Variants in AGAP1 observed in about 807,000 individuals in gnomAD.
The protein encoded by AGAP1 is ArfGAP with GTPase domain, ankyrin repeat and PH domain 1.
In AGAP1, 29 loss-of-function variants were observed where a neutral mutation model predicts 105.3. That is an observed-to-expected ratio of 0.28 (90% CI 0.21 to 0.38). The LOEUF (loss-of-function observed/expected upper bound fraction) is 0.38. Among genes scored for constraint, AGAP1 ranks in the 10% least tolerant of loss-of-function variants. The probability of loss-of-function intolerance (pLI) is 1.00; values close to 1 mark genes in which losing one functional copy is unlikely to be tolerated. For missense variants in AGAP1, 998 were observed against 1,165.1 expected (o/e 0.86, Z 2.09); for synonymous variants, 509 against 485.9 (o/e 1.05, Z -0.63).
intron 1 of AGAP1, among the ~76,000 whole-genome samples, chr2:235,516,055 TCTGCTGCTGCTGCTGCTGCTG>T (rs112761133): frequency 0.037 from 5,197 of 138,674 alleles, 121 homozygotes; most frequent in Middle Eastern, 0.17. Context: ...CATGGGCTCC[TCTGCTGCTGCTGCTGCTGCTG>T]CTGCTGCTGC....
At position 236,086,091 on chromosome 2, in the gene AGAP1, C is replaced by G. The variant is rs558130145; in HGVS notation, c.2115-34101C>G. ...TCCTTTTCCTACTGCCCTTTTCCCC[C>G]CTCCTCCTGCTTAGAGATACCAGCT... is the stretch of plus-strand genomic sequence containing the variant. On this transcript the variant is annotated intron_variant, in intron 16 of 17. Coordinates refer to ENST00000304032, the MANE Select transcript of AGAP1 (RefSeq NM_001037131.3). Among the ~76,000 whole-genome samples, 12 of 152,338 alleles carry G rather than the reference C, an allele frequency of 7.9e-5. 1 individual carries two copies. The highest frequency in any genetic ancestry group is 3.4e-3 in the Middle Eastern group (1 of 294).
At chr2:235,985,388 A>AT (rs1319617958) in intron 13 of AGAP1, among the ~76,000 whole-genome samples, 1 of 152,090 alleles carries the variant, frequency 6.6e-6, no homozygotes, top group Non-Finnish European at 1.5e-5. Flanking sequence ...TTTTTCTCCC[A>AT]TTCTGTAGGT....
rs1052301629 is a variant in AGAP1 at position 236,061,921 on chromosome 2, G to A, written c.2114+12640G>A. ...GGAATTTCCAAAGGAAAACAGATGA[G>A]CCAGGGCGTTCCACAAAGAGCAGCT... On this transcript the variant is annotated intron_variant, in intron 16 of 17. Coordinates refer to ENST00000304032, the MANE Select transcript of AGAP1 (RefSeq NM_001037131.3). This position sits in a 1 kb window ranked among gnomAD's most constrained non-coding sequence, Gnocchi z 4.1. Among the ~76,000 whole-genome samples, 1 of 151,922 alleles carries A rather than the reference G, an allele frequency of 6.6e-6. No individual in the cohort carries two copies. The highest frequency in any genetic ancestry group is 2.4e-5 in the African/African-American group (1 of 41,346).
Position 235,927,283 on chromosome 2 carries a change from G to A in AGAP1, c.1325-3482G>A, listed in dbSNP as rs571651968. On this transcript the variant is annotated intron_variant, in intron 11 of 17. Coordinates refer to ENST00000304032, the MANE Select transcript of AGAP1 (RefSeq NM_001037131.3). The surrounding 1 kb of genome is among the most constrained non-coding windows in gnomAD (Gnocchi z 4.4). Reference sequence around the variant, plus strand: ...AGCATGTGGTCTTGCCAGGAGGTTCGTCACCCCAGAGGTTCCAGGTTGGTT... The same window carrying A: ...AGCATGTGGTCTTGCCAGGAGGTTCATCACCCCAGAGGTTCCAGGTTGGTT... 6.6e-5 allele frequency among the ~76,000 whole-genome samples: 10 copies of A among 152,242 alleles called. No individual in the cohort carries two copies. The highest frequency in any genetic ancestry group is 1.3e-4 in the Admixed American group (2 of 15,296).
Position 235,494,634 on chromosome 2 carries a change from G to C in AGAP1, c.-53G>C. Reference sequence around the variant, plus strand: ...GGCTCGGCGGCCCGCGGGCCCCGGGGCGCGGGGCGGCGGCGGCGGGGGGCG... The same window carrying C: ...GGCTCGGCGGCCCGCGGGCCCCGGGCCGCGGGGCGGCGGCGGCGGGGGGCG... On this transcript the variant is annotated 5_prime_UTR_variant, in exon 1 of 18. Coordinates refer to ENST00000304032, the MANE Select transcript of AGAP1 (RefSeq NM_001037131.3). The C allele has an allele frequency of 1.2e-5, 12 of 962,538 alleles. No individual in the cohort carries two copies. Among genetic ancestry groups the C allele is most frequent in the Non-Finnish European group, 1.5e-5 (12 of 812,832 alleles). The allele number at this position is 962,538 out of a possible 1,614,324, so 59.6% of individuals were successfully genotyped here. A position where few individuals can be genotyped will look rare whatever the true frequency, so the allele number is the denominator to read the frequency against.
At chr2:235,825,062 T>C (rs1420563232) in intron 9 of AGAP1, among the ~76,000 whole-genome samples, 1 of 152,198 alleles carries the variant, frequency 6.6e-6, no homozygotes, top group Non-Finnish European at 1.5e-5. Context: ...AAAGTGCAAA[T>C]TGCTACTGAA....
At chr2:235,511,051 G>T (rs1225632791) in intron 1 of AGAP1, among the ~76,000 whole-genome samples, 6 of 152,156 alleles carry the variant, frequency 3.9e-5, no homozygotes, top group Admixed American at 3.3e-4. Context: ...AGGACATTTG[G>T]CCATGTCTGG....
chr2:235,699,327 T>C (rs1950147517), intron 1 of AGAP1, among the ~76,000 whole-genome samples: 1 of 152,134 alleles, frequency 6.6e-6, no homozygotes, highest in African/African-American at 2.4e-5. Flanking sequence ...GAGCCTGATG[T>C]ATTTGTAAGA....
Position 235,736,244 on chromosome 2 carries a change from T to G in AGAP1, c.311-4719T>G, listed in dbSNP as rs3754663. On this transcript the variant is annotated intron_variant, in intron 3 of 17. Transcript: ENST00000304032. This position sits in a 1 kb window ranked among gnomAD's most constrained non-coding sequence, Gnocchi z 5.5. ...GGTTCCAGGGTGGGCGCTGGTCCCT[T>G]CCCACGGAGCTCGCCTAGCACCTGT... Among the ~76,000 whole-genome samples the G allele has an allele frequency of 2.3e-3, 355 of 152,040 alleles. 4 individuals carry two copies. Among genetic ancestry groups the G allele is most frequent in the East Asian group, 0.02 (105 of 5,130 alleles).
Position 235,728,301 on chromosome 2 carries a change from C to CTGTGTGTGTG in AGAP1, c.310+10674_310+10683dup, listed in dbSNP as rs143714801. ...ATCTGAAAAGGACTGGGCCCAGACT[C>CTGTGTGTGTG]TGTGTGTGTGTGTGTGTGTGTGTGT... On this transcript the variant is annotated intron_variant, in intron 3 of 17. Transcript: ENST00000304032. The surrounding 1 kb of genome is among the most constrained non-coding windows in gnomAD (Gnocchi z 4.3). 4.5e-4 allele frequency among the ~76,000 whole-genome samples: 67 copies of CTGTGTGTGTG among 148,620 alleles called. No homozygotes were observed. Among genetic ancestry groups the CTGTGTGTGTG allele is most frequent in the African/African-American group, 1.6e-3 (65 of 40,266 alleles).
At chr2:235,844,722 C>G (rs972665130) in intron 9 of AGAP1, among the ~76,000 whole-genome samples, 1 of 152,172 alleles carries the variant, frequency 6.6e-6, no homozygotes, top group Admixed American at 6.5e-5. Flanking sequence ...CCTCTCCGAA[C>G]CTGGGCACAC....
chr2:235,651,240 T>C (rs1375608194), intron 1 of AGAP1, among the ~76,000 whole-genome samples: 10 of 138,062 alleles, frequency 7.2e-5, no homozygotes, highest in Non-Finnish European at 1.5e-4. Context: ...CAGGCAGTGG[T>C]CACAGGCCGA....
chr2:236,102,140 G>C (rs368914879), intron 16 of AGAP1, among the ~76,000 whole-genome samples: 2 of 152,130 alleles, frequency 1.3e-5, no homozygotes, highest in African/African-American at 4.8e-5. Context: ...AAATTAGGCC[G>C]GGCGCGGTGG....
In AGAP1 at chr2:235,750,273, T is replaced by G; in HGVS notation, c.539-81T>G. 6.3e-7 allele frequency: 1 copy of G among 1,581,176 alleles called. No homozygotes were observed. Among genetic ancestry groups the G allele is most frequent in the Non-Finnish European group, 8.7e-7 (1 of 1,153,656 alleles). ...ACATTTCTGCTGAGTAAGGTACTGG[T>G]TTTCCGTGTTGTGGGGAGTGTAGGA... On this transcript the variant is annotated intron_variant, in intron 5 of 17. Transcript: ENST00000304032. The surrounding 1 kb of genome is among the most constrained non-coding windows in gnomAD (Gnocchi z 5.3).
intron 9 of AGAP1, among the ~76,000 whole-genome samples, chr2:235,836,144 A>G (rs886346917): frequency 2.0e-5 from 3 of 152,236 alleles, no homozygotes; most frequent in African/African-American, 7.2e-5. Flanking sequence ...ATTGATTTAC[A>G]TAGTGGAAAA....
At chr2:235,756,318 C>T (rs1463790337) in intron 6 of AGAP1, among the ~76,000 whole-genome samples, 2 of 152,118 alleles carry the variant, frequency 1.3e-5, no homozygotes, top group Middle Eastern at 3.4e-3. Context: ...TTTTGACATT[C>T]TTGAGCCAAT....
intron 1 of AGAP1, among the ~76,000 whole-genome samples, chr2:235,685,301 T>C (rs1949321440): frequency 6.6e-6 from 1 of 151,874 alleles, no homozygotes; most frequent in South Asian, 2.1e-4. Flanking sequence ...AGCAGACTCT[T>C]GGCAGTGCAG....
chr2:236,000,504 G>A lies in AGAP1; in HGVS notation c.1645+31881G>A, dbSNP rs576907435. Among the ~76,000 whole-genome samples, 3 of 152,246 alleles carry A rather than the reference G, an allele frequency of 2.0e-5. No homozygotes were observed. Among genetic ancestry groups the A allele is most frequent in the African/African-American group, 7.2e-5 (3 of 41,562 alleles). On this transcript the variant is annotated intron_variant, in intron 13 of 17. Coordinates refer to ENST00000304032, the MANE Select transcript of AGAP1 (RefSeq NM_001037131.3). This position sits in a 1 kb window ranked among gnomAD's most constrained non-coding sequence, Gnocchi z 4.3. ...TCCAGTCCAGTCCCCCACCCTGAGC[G>A]TTGATGGTGGGGTGTGCATCCCCCA... is the stretch of plus-strand genomic sequence containing the variant.
At chr2:235,758,579 A>G (rs892499996) in intron 6 of AGAP1, among the ~76,000 whole-genome samples, 1 of 152,298 alleles carries the variant, frequency 6.6e-6, no homozygotes, top group Non-Finnish European at 1.5e-5. Flanking sequence ...TGGGTGGTAG[A>G]TGTGTATTGG....
Sources: gnomAD v4.1 joint callset for allele counts (sites outside exome capture counted in the v4.1 genomes callset) on GRCh38, gnomAD v4.1.1 for gene constraint, Gnocchi (gnomAD v3.1) non-coding constraint, MANE v1.5 for transcripts, NCBI Gene and HGNC (gene_info 2026-07-23, HGNC 2026-07-21) for gene names.